STARD13: variants seen among roughly 807,000 people sequenced by gnomAD.
STARD13 encodes the protein StAR related lipid transfer domain containing 13, also known as stAR-related lipid transfer protein 13.
In STARD13, 62 loss-of-function variants were observed where a neutral mutation model predicts 106.4. The observed-to-expected ratio is 0.58, with a 90% confidence interval of 0.48 to 0.72. The LOEUF is 0.72. STARD13 is among the 30% of genes least tolerant of loss of function. The probability of loss-of-function intolerance (pLI) is 0.00; values close to 1 mark genes in which losing one functional copy is unlikely to be tolerated. For synonymous variants in STARD13, 565 were observed against 553.0 expected (o/e 1.02, Z -0.31); for missense variants, 1,387 against 1,424.0 (o/e 0.97, Z 0.42).
At chr13:33,259,950 C>T (rs1376643092) in intron 1 of STARD13, among the ~76,000 whole-genome samples, 3 of 141,220 alleles carry the variant, frequency 2.1e-5, no homozygotes, top group Admixed American at 7.5e-5. Flanking sequence ...GAGCCGAGAT[C>T]GTGCCACTGC....
At chr13:33,227,400 T>C (rs7999276) in intron 1 of STARD13, among the ~76,000 whole-genome samples, 19,212 of 152,172 alleles carry the variant, frequency 0.13, 1,916 homozygotes, top group African/African-American at 0.28. Context: ...ACCTTGAAAA[T>C]ACTTTGTAAG....
At chr13:33,273,502 G>A (rs968221474) in intron 1 of STARD13, among the ~76,000 whole-genome samples, 2 of 152,080 alleles carry the variant, frequency 1.3e-5, no homozygotes, top group Non-Finnish European at 2.9e-5. Flanking sequence ...AATCAATAAC[G>A]CAAAAGAATC....
At chr13:33,327,745 A>C (rs1188431418) in intron 1 of STARD13, among the ~76,000 whole-genome samples, 3 of 152,200 alleles carry the variant, frequency 2.0e-5, no homozygotes, top group Non-Finnish European at 4.4e-5. Flanking sequence ...AGAGGGTGAA[A>C]TTTGTCCTTT....
intron 1 of STARD13, among the ~76,000 whole-genome samples, chr13:33,257,566 AGAG>A (rs1278035228): frequency 2.0e-5 from 3 of 152,192 alleles, no homozygotes; most frequent in African/African-American, 7.2e-5. Flanking sequence ...ACACCTAAGG[AGAG>A]GAGGAGAAGG....
chr13:33,480,078 T>C, the STARD13 span, among the ~76,000 whole-genome samples: 2 of 152,236 alleles, frequency 1.3e-5, no homozygotes, highest in East Asian at 3.8e-4. Context: ...AGAAGGAATG[T>C]ATAGTGTATT....
At chr13:33,374,739 A>G in the STARD13 span, among the ~76,000 whole-genome samples, 1 of 152,134 alleles carries the variant, frequency 6.6e-6, no homozygotes, top group Non-Finnish European at 1.5e-5. Flanking sequence ...ACCCATACAA[A>G]CAAAGCATGG....
intron 8 of STARD13, among the ~76,000 whole-genome samples, chr13:33,115,176 C>A (rs780982324): frequency 5.9e-5 from 9 of 152,172 alleles, no homozygotes; most frequent in Non-Finnish European, 4.4e-5. Flanking sequence ...CATTACCCAT[C>A]CAACACTCCA....
chr13:33,544,949 T>TTTTATTTA, the STARD13 span, among the ~76,000 whole-genome samples: 2 of 150,816 alleles, frequency 1.3e-5, no homozygotes, highest in African/African-American at 2.4e-5. Context: ...AATTTTTTTG[T>TTTTATTTA]TTTATTTATT....
chr13:33,665,115 C>G, the STARD13 span, among the ~76,000 whole-genome samples: 1 of 152,210 alleles, frequency 6.6e-6, no homozygotes, highest in African/African-American at 2.4e-5. Flanking sequence ...AAGGAAGCAT[C>G]CAACAACAGA....
At chr13:33,273,736 C>T (rs1891274713) in intron 1 of STARD13, among the ~76,000 whole-genome samples, 1 of 152,114 alleles carries the variant, frequency 6.6e-6, no homozygotes, top group African/African-American at 2.4e-5. Context: ...TTTAAGTTGT[C>T]AAGTGGGCAT....
At chr13:33,590,719 G>C in the STARD13 span, among the ~76,000 whole-genome samples, 4 of 108,860 alleles carry the variant, frequency 3.7e-5, no homozygotes, top group Admixed American at 4.0e-4. Flanking sequence ...GGAGGGGGGA[G>C]GGGGGAGGGA....
Position 33,110,802 on chromosome 13 carries a change from T to G in STARD13, c.2713A>C (p.Thr905Pro). 6.2e-7 allele frequency: 1 copy of G among 1,614,166 alleles called. No individual in the cohort carries two copies. Among genetic ancestry groups the G allele is most frequent in the South Asian group, 1.1e-5 (1 of 91,082 alleles). ...AGATGGTTCAGGTAAGTGTGGAAAG[T>G]TGCCCCACTCTCCTCCAGCTGTGTC... ...LGTQLEESGA[T>P]FHTYLNHLIQ... Residue 905 changes from threonine to proline, a missense_variant, in exon 11 of 14, where the codon ACT becomes CCT. Thr to Pro is a conservative substitution (Grantham distance 38). Coordinates refer to ENST00000336934, the MANE Select transcript of STARD13 (RefSeq NM_178006.4).
chr13:33,570,664 C>T, the STARD13 span, among the ~76,000 whole-genome samples: 1 of 120,810 alleles, frequency 8.3e-6, no homozygotes, highest in African/African-American at 3.0e-5. Flanking sequence ...TTTGTTAGTC[C>T]ACAGACAGTT....
intron 1 of STARD13, among the ~76,000 whole-genome samples, chr13:33,200,421 G>A (rs369670866): frequency 2.6e-5 from 4 of 152,260 alleles, no homozygotes; most frequent in South Asian, 4.1e-4. Flanking sequence ...CTTCCAAAGC[G>A]TCACCAACAA....
the STARD13 span, among the ~76,000 whole-genome samples, chr13:33,458,277 G>GTT: frequency 2.8e-5 from 4 of 144,014 alleles, no homozygotes; most frequent in Non-Finnish European, 4.6e-5. Flanking sequence ...GTTTTTTGTT[G>GTT]TTTTTTTTTT....
the STARD13 span, among the ~76,000 whole-genome samples, chr13:33,601,112 G>T: frequency 6.6e-6 from 1 of 152,136 alleles, no homozygotes; most frequent in African/African-American, 2.4e-5. Flanking sequence ...AGGTGGAAGG[G>T]CTAAAACATG....
At chr13:33,473,027 T>C in the STARD13 span, among the ~76,000 whole-genome samples, 1 of 152,104 alleles carries the variant, frequency 6.6e-6, no homozygotes, top group South Asian at 2.1e-4. Flanking sequence ...AATAAAACTA[T>C]AGGTTATAAG....
At chr13:33,618,619 AC>A in the STARD13 span, among the ~76,000 whole-genome samples, 2 of 152,178 alleles carry the variant, frequency 1.3e-5, no homozygotes, top group African/African-American at 4.8e-5. Flanking sequence ...TAGCTATGAT[AC>A]AGTTACTGCT....
chr13:33,330,613 A>G (rs2077825244), intron 1 of STARD13, among the ~76,000 whole-genome samples: 1 of 152,222 alleles, frequency 6.6e-6, no homozygotes, highest in African/African-American at 2.4e-5. Context: ...ATTTCTTTTC[A>G]AGAGGGTGCT....
Sources: gnomAD v4.1 joint callset for allele counts (sites outside exome capture counted in the v4.1 genomes callset) on GRCh38, gnomAD v4.1.1 for gene constraint, MANE v1.5 for transcripts, NCBI Gene and HGNC (gene_info 2026-07-23, HGNC 2026-07-21) for gene names.